GUCY1A2: variants seen among roughly 807,000 people sequenced by gnomAD.
The protein encoded by GUCY1A2 is guanylate cyclase 1 soluble subunit alpha 2.
In GUCY1A2, 27 loss-of-function variants were observed where a neutral mutation model predicts 63.5. The observed-to-expected ratio is 0.43, with a 90% CI of 0.31 to 0.59. The LOEUF (loss-of-function observed/expected upper bound fraction) is 0.59. Ranked by LOEUF, GUCY1A2 falls within the 20% of genes least tolerant of loss-of-function variation. The pLI is 0.11. For missense variants in GUCY1A2, 768 were observed against 913.3 expected, an observed-to-expected ratio of 0.84 and a Z score of 2.05; for synonymous variants, 364 against 343.5, an observed-to-expected ratio of 1.06 and a Z score of -0.66.
At chr11:106,799,729 C>G (rs1864836624) in intron 5 of GUCY1A2, among the ~76,000 whole-genome samples, 1 of 152,170 alleles carries the variant, frequency 6.6e-6, no homozygotes. Context: ...ACACCTTATA[C>G]AGAAATTAAT....
chr11:106,949,588 T>G, intron 3 of GUCY1A2, among the ~76,000 whole-genome samples: 1 of 152,208 alleles, frequency 6.6e-6, no homozygotes, highest in East Asian at 1.9e-4. Context: ...ATGTCTCTAC[T>G]TGTTAGGCTT....
intron 6 of GUCY1A2, among the ~76,000 whole-genome samples, chr11:106,739,116 T>A (rs1591256151): frequency 6.6e-6 from 1 of 152,212 alleles, no homozygotes; most frequent in African/African-American, 2.4e-5. Context: ...ACATCCCTTG[T>A]AAGTTGGATT....
chr11:107,008,214 G>A (rs1861698335), intron 1 of GUCY1A2, among the ~76,000 whole-genome samples: 1 of 142,846 alleles, frequency 7.0e-6, no homozygotes, highest in African/African-American at 2.5e-5. Context: ...GGTGGGCAGA[G>A]GCTGTGGTGA....
At chr11:106,825,249 T>C (rs1250634774) in intron 4 of GUCY1A2, among the ~76,000 whole-genome samples, 1 of 152,156 alleles carries the variant, frequency 6.6e-6, no homozygotes, top group African/African-American at 2.4e-5. Flanking sequence ...TTTATGCCTT[T>C]ATATACTTAG....
At chr11:106,912,246 T>C (rs777646483) in intron 4 of GUCY1A2, among the ~76,000 whole-genome samples, 22 of 152,116 alleles carry the variant, frequency 1.4e-4, no homozygotes, top group Non-Finnish European at 2.2e-4. Flanking sequence ...TCCTCAAAAA[T>C]ATAAGATTAA....
In GUCY1A2 at chr11:106,868,117, A is replaced by G. The variant is rs994928875; in HGVS notation, c.1207-57639T>C. On this transcript the variant is annotated intron_variant, in intron 4 of 7. Coordinates refer to ENST00000526355, the MANE Select transcript of GUCY1A2 (RefSeq NM_000855.3). The stretch of plus-strand genomic sequence containing the variant: ...ATGTTCAAGATAAAATACTGAATAA[A>G]ACTACATAAACCCAGGTTAGGGAAC... 3.3e-5 allele frequency among the ~76,000 whole-genome samples: 5 copies of G among 152,202 alleles called. No individual in the cohort carries two copies. In the South Asian group the frequency reaches 1.0e-3, roughly 32 times the overall value.
At chr11:106,826,645 T>C (rs1162149058) in intron 4 of GUCY1A2, 1 of 1,607,462 alleles carries the variant, frequency 6.2e-7, no homozygotes, top group Non-Finnish European at 8.5e-7. Context: ...TACAACCTTA[T>C]AGTTAAAAAA....
chr11:106,909,161 C>T (rs1448620990), intron 4 of GUCY1A2, among the ~76,000 whole-genome samples: 1 of 151,782 alleles, frequency 6.6e-6, no homozygotes, highest in Non-Finnish European at 1.5e-5. Flanking sequence ...TTGTGCACTA[C>T]ATTTTAATCA....
chr11:106,899,674 A>C (rs939697868), intron 4 of GUCY1A2, among the ~76,000 whole-genome samples: 2 of 152,184 alleles, frequency 1.3e-5, no homozygotes, highest in Non-Finnish European at 2.9e-5. Context: ...ATTTCCAAGA[A>C]ATTCTTTTGA....
intron 5 of GUCY1A2, among the ~76,000 whole-genome samples, chr11:106,809,537 G>T (rs1163773428): frequency 6.6e-6 from 1 of 152,002 alleles, no homozygotes; most frequent in Admixed American, 6.6e-5. Flanking sequence ...GAATTAAAGA[G>T]ATCTCACTTA....
chr11:106,986,856 G>A (rs1203107108), intron 1 of GUCY1A2, among the ~76,000 whole-genome samples: 3 of 152,244 alleles, frequency 2.0e-5, no homozygotes, highest in South Asian at 2.1e-4. Flanking sequence ...TATGGAGTCT[G>A]CAACAAATAT....
At chr11:106,942,193 T>G (rs1339329637) in intron 3 of GUCY1A2, among the ~76,000 whole-genome samples, 3 of 152,230 alleles carry the variant, frequency 2.0e-5, no homozygotes, top group African/African-American at 7.2e-5. Flanking sequence ...CTTATCTTAC[T>G]TAACCTTGTT....
At chr11:106,797,066 T>A (rs965795563) in intron 5 of GUCY1A2, among the ~76,000 whole-genome samples, 1 of 152,198 alleles carries the variant, frequency 6.6e-6, no homozygotes, top group Non-Finnish European at 1.5e-5. Context: ...GTTGATCAAA[T>A]TGGCTACTGA....
At chr11:106,835,961 T>C (rs1245976668) in intron 4 of GUCY1A2, among the ~76,000 whole-genome samples, 1 of 151,944 alleles carries the variant, frequency 6.6e-6, no homozygotes, top group Non-Finnish European at 1.5e-5. Context: ...AAGCAAAAAT[T>C]TTCTGTGGAA....
intron 7 of GUCY1A2, among the ~76,000 whole-genome samples, chr11:106,704,385 A>G (rs1264166395): frequency 2.0e-5 from 3 of 152,200 alleles, no homozygotes; most frequent in Admixed American, 2.0e-4. Flanking sequence ...AAAGAAATTA[A>G]GTCACTAAAG....
At chr11:106,735,930 T>TA (rs1383743192) in intron 6 of GUCY1A2, among the ~76,000 whole-genome samples, 1 of 152,184 alleles carries the variant, frequency 6.6e-6, no homozygotes, top group East Asian at 1.9e-4. Context: ...GTGTGTCTTC[T>TA]TTTGAGTAGT....
At chr11:106,720,551 G>A (rs1490862156) in intron 6 of GUCY1A2, among the ~76,000 whole-genome samples, 1 of 151,840 alleles carries the variant, frequency 6.6e-6, no homozygotes, top group African/African-American at 2.4e-5. Context: ...AGAGATGAAC[G>A]ATGCATAATG....
At chr11:106,775,086 T>C (rs1025721686) in intron 6 of GUCY1A2, among the ~76,000 whole-genome samples, 10 of 152,176 alleles carry the variant, frequency 6.6e-5, no homozygotes, top group Admixed American at 5.9e-4. Flanking sequence ...TGTGTGGCTT[T>C]TTTCTTTTTT....
intron 4 of GUCY1A2, among the ~76,000 whole-genome samples, chr11:106,861,129 G>C (rs1859505943): frequency 6.6e-6 from 1 of 151,870 alleles, no homozygotes; most frequent in Non-Finnish European, 1.5e-5. Context: ...GGTCTCCACA[G>C]GGTCTAGATA....
Sources: allele counts gnomAD v4.1 joint callset (sites outside exome capture counted in the v4.1 genomes callset), GRCh38; gene constraint gnomAD v4.1.1; transcripts MANE v1.5; gene names NCBI Gene and HGNC (gene_info 2026-07-23, HGNC 2026-07-21).